Variants in ARHGEF18 observed in about 807,000 individuals in gnomAD.
ARHGEF18 encodes the protein Rho/Rac guanine nucleotide exchange factor 18.
A neutral mutation model predicts 155.7 loss-of-function variants in ARHGEF18; 93 were observed. The observed-to-expected ratio is 0.60, with a 90% CI of 0.50 to 0.71. The LOEUF is 0.71. Ranked by LOEUF, ARHGEF18 falls within the 30% of genes least tolerant of loss-of-function variation. The pLI, the probability that ARHGEF18 is intolerant of heterozygous loss-of-function variation, is 0.00. For synonymous variants in ARHGEF18, 742 were observed against 753.1 expected, an observed-to-expected ratio of 0.99 and a Z score of 0.24; for missense variants, 1,593 against 1,816.1, an observed-to-expected ratio of 0.88 and a Z score of 2.23.
At chr19:7,369,464 G>GA (rs202054891) in intron 2 of ARHGEF18, among the ~76,000 whole-genome samples, 6,034 of 143,824 alleles carry the variant, frequency 0.042, 148 homozygotes, top group South Asian at 0.08. Context: ...TCCGTCTCAG[G>GA]AAAAAAAAGA....
chr19:7,458,147 C>T (rs1333592508), intron 18 of ARHGEF18, among the ~76,000 whole-genome samples: 1 of 151,586 alleles, frequency 6.6e-6, no homozygotes, highest in Non-Finnish European at 1.5e-5. Context: ...ATTAGCTGGG[C>T]CTGGCGGCAC....
intron 6 of ARHGEF18, among the ~76,000 whole-genome samples, chr19:7,378,774 C>G (rs1970589133): frequency 6.7e-6 from 1 of 148,452 alleles, no homozygotes; most frequent in Non-Finnish European, 1.5e-5. Context: ...CTCACTGCAG[C>G]CTCTGCCCCC....
intron 10 of ARHGEF18, among the ~76,000 whole-genome samples, chr19:7,433,538 T>C (rs899252634): frequency 3.6e-5 from 5 of 139,494 alleles, no homozygotes; most frequent in African/African-American, 1.1e-4. Context: ...AAAAAGTGTA[T>C]CAGGTTTTCT....
chr19:7,379,059 G>C (rs1459434731), intron 6 of ARHGEF18, 63 bp from the exon 7 acceptor site: 1 of 1,224,734 alleles, frequency 8.2e-7, no homozygotes, highest in Non-Finnish European at 1.0e-6. Context: ...AGCTTATCTA[G>C]GGGAGAGTGT....
chr19:7,374,073 TA>T (rs1260005035), intron 3 of ARHGEF18, among the ~76,000 whole-genome samples: 3 of 152,050 alleles, frequency 2.0e-5, no homozygotes, highest in African/African-American at 7.2e-5. Flanking sequence ...GCTCCTTTGA[TA>T]ATCTAATGCT....
At chr19:7,429,829 G>T (rs1042811676) in intron 10 of ARHGEF18, among the ~76,000 whole-genome samples, 3 of 152,162 alleles carry the variant, frequency 2.0e-5, no homozygotes, top group African/African-American at 4.8e-5. Flanking sequence ...CTGTCTCCTG[G>T]CCAGTGAGTT....
chr19:7,436,197 C>CTT (rs567879436), intron 10 of ARHGEF18, among the ~76,000 whole-genome samples: 93 of 78,546 alleles, frequency 1.2e-3, no homozygotes, highest in African/African-American at 4.0e-3. Flanking sequence ...AGCATTTCTT[C>CTT]TTTTTTTTTT....
chr19:7,433,532 A>AAAAAAAT, intron 10 of ARHGEF18, among the ~76,000 whole-genome samples: 1 of 138,090 alleles, frequency 7.2e-6, no homozygotes, highest in African/African-American at 2.7e-5. Context: ...AAAAAAAAAA[A>AAAAAAAT]GTGTATCAGG....
intron 10 of ARHGEF18, among the ~76,000 whole-genome samples, chr19:7,400,852 A>T (rs1568299851): frequency 1.3e-5 from 2 of 152,126 alleles, no homozygotes; most frequent in African/African-American, 4.8e-5. Flanking sequence ...ATAAATATTT[A>T]TAAATGAAAA....
intron 2 of ARHGEF18, among the ~76,000 whole-genome samples, chr19:7,370,960 G>A (rs1970177316): frequency 6.6e-6 from 1 of 151,632 alleles, no homozygotes; most frequent in Non-Finnish European, 1.5e-5. Flanking sequence ...ACCCAGGCTG[G>A]AGTGCGATAG....
At chr19:7,452,460 T>A (rs909601988) in intron 16 of ARHGEF18, among the ~76,000 whole-genome samples, 3 of 151,592 alleles carry the variant, frequency 2.0e-5, no homozygotes, top group African/African-American at 7.3e-5. Flanking sequence ...TCTAATTTAT[T>A]TATTTATTTA....
intron 2 of ARHGEF18, among the ~76,000 whole-genome samples, chr19:7,372,423 A>C (rs1232277278): frequency 2.0e-5 from 3 of 152,040 alleles, no homozygotes; most frequent in African/African-American, 7.3e-5. Context: ...AGTGAAGGAC[A>C]AAAGAAGGGA....
chr19:7,404,995 T>C (rs1370082903), intron 10 of ARHGEF18, among the ~76,000 whole-genome samples: 1 of 152,042 alleles, frequency 6.6e-6, no homozygotes, highest in Non-Finnish European at 1.5e-5. Context: ...GGAGTCTCAC[T>C]CACCCAGGCT....
chr19:7,363,772 G>A (rs1299859678), intron 2 of ARHGEF18, among the ~76,000 whole-genome samples: 1 of 151,242 alleles, frequency 6.6e-6, no homozygotes, highest in Non-Finnish European at 1.5e-5. Flanking sequence ...AAAGGAAGGA[G>A]GATGGATAAA....
At chr19:7,437,009 T>C (rs982754580) in intron 10 of ARHGEF18, among the ~76,000 whole-genome samples, 8 of 152,230 alleles carry the variant, frequency 5.3e-5, no homozygotes, top group Non-Finnish European at 4.4e-5. Flanking sequence ...ATATGTGCAA[T>C]GTGCTGTTAC....
At chr19:7,398,690 C>CAAAAA (rs1176940342) in intron 10 of ARHGEF18, among the ~76,000 whole-genome samples, 1 of 114,902 alleles carries the variant, frequency 8.7e-6, no homozygotes, top group African/African-American at 2.7e-5. Flanking sequence ...GACTCTGTCT[C>CAAAAA]AAAAAAAAAA....
At chr19:7,397,807 G>A (rs371328463) in intron 10 of ARHGEF18, among the ~76,000 whole-genome samples, 12 of 151,872 alleles carry the variant, frequency 7.9e-5, no homozygotes, top group Middle Eastern at 3.4e-3. Flanking sequence ...GGACTCAAGC[G>A]ATCCTCCCAC....
rs1464044928 is a variant in ARHGEF18 at position 7,450,277 on chromosome 19, T to C, written c.1738-872T>C. Among the ~76,000 whole-genome samples, 12 of 149,614 alleles carry C rather than the reference T, an allele frequency of 8.0e-5. No individual in the cohort carries two copies. The South Asian group carries it at 2.1e-3, about 26-fold the overall frequency. Reference sequence around the variant, plus strand: ...TTGCTGTCCATTTCCGAGATGTTAATATGGGATCTTGCTTTCTGTTTCCAT... The same window carrying C: ...TTGCTGTCCATTTCCGAGATGTTAACATGGGATCTTGCTTTCTGTTTCCAT... On this transcript the variant is annotated intron_variant, in intron 15 of 28. Coordinates refer to ENST00000668164, the MANE Select transcript of ARHGEF18 (RefSeq NM_001367823.1).
intron 19 of ARHGEF18, 85 bp downstream of exon 19, chr19:7,458,775 T>G (rs1976012627): frequency 1.4e-6 from 2 of 1,441,926 alleles, no homozygotes; most frequent in African/African-American, 1.4e-5. Context: ...GGCCATCAGC[T>G]GTGACCTTGA....
Sources: allele counts gnomAD v4.1 joint callset (sites outside exome capture counted in the v4.1 genomes callset), GRCh38; gene constraint gnomAD v4.1.1; transcripts MANE v1.5; gene names NCBI Gene and HGNC (gene_info 2026-07-23, HGNC 2026-07-21).